Variants in FRAS1 observed in about 807,000 individuals in gnomAD.
FRAS1 encodes the protein Fraser extracellular matrix complex subunit 1.
In FRAS1, 290 loss-of-function variants were observed where a neutral mutation model predicts 435.2. The ratio of observed to expected loss-of-function variants is 0.67; its 90% confidence interval spans 0.61 to 0.73. FRAS1 has a LOEUF of 0.73. Among genes scored for constraint, FRAS1 ranks in the 30% least tolerant of loss-of-function variants. The pLI is 0.00. For synonymous variants in FRAS1, 1,800 were observed against 1,851.0 expected (o/e 0.97, Z 0.71); for missense variants, 4,860 against 5,001.5 (o/e 0.97, Z 0.85).
intron 9 of FRAS1, among the ~76,000 whole-genome samples, chr4:78,275,664 T>C (rs970365603): frequency 6.6e-6 from 1 of 152,210 alleles, no homozygotes; most frequent in Non-Finnish European, 1.5e-5. Context: ...CTGGCTTGTA[T>C]AGTTTCTGCC....
intron 61 of FRAS1, among the ~76,000 whole-genome samples, chr4:78,501,905 G>A (rs1229494499): frequency 2.0e-5 from 3 of 152,204 alleles, no homozygotes; most frequent in Non-Finnish European, 2.9e-5. Flanking sequence ...TGTAAAAAGT[G>A]TAAGGAAGGG....
At chr4:78,159,172 A>G (rs1487841202) in intron 2 of FRAS1, among the ~76,000 whole-genome samples, 10 of 152,342 alleles carry the variant, frequency 6.6e-5, no homozygotes, top group African/African-American at 1.7e-4. Flanking sequence ...ACAGCACTCA[A>G]TGGATGAATT....
intron 12 of FRAS1, among the ~76,000 whole-genome samples, chr4:78,283,907 C>T (rs1727448204): frequency 6.6e-6 from 1 of 151,948 alleles, no homozygotes. Context: ...AGTGATAACC[C>T]CAATTACTGA....
At chr4:78,460,342 T>G (rs1719331696) in intron 47 of FRAS1, among the ~76,000 whole-genome samples, 1 of 152,228 alleles carries the variant, frequency 6.6e-6, no homozygotes, top group African/African-American at 2.4e-5. Context: ...ATACATAGTT[T>G]AGCCAGCAGG....
chr4:78,140,656 CGTATATACATATGTGTATATGTATAT>C (rs1425729276), intron 2 of FRAS1, among the ~76,000 whole-genome samples: 5,279 of 149,344 alleles, frequency 0.035, 331 homozygotes, highest in African/African-American at 0.12. Flanking sequence ...TATGTATATA[CGTATATACATATGTGTATATGTATAT>C]GCATATACAT....
rs1158724892 is a variant in FRAS1, at chr4:78,288,306, C to G, written c.1534+1767C>G. Among the ~76,000 whole-genome samples, 3 of 152,168 alleles carry G rather than the reference C, an allele frequency of 2.0e-5. 1 individual carries two copies. Among genetic ancestry groups the G allele is most frequent in the African/African-American group, 7.2e-5 (3 of 41,436 alleles). On this transcript the variant is annotated intron_variant, in intron 14 of 73. Transcript: ENST00000512123. Reference sequence around the variant, plus strand: ...TTTATCCCATCAAAGAGATCTCCTGCTAGTGCTCGTGACAGATTTGCCTTT... The same window carrying G: ...TTTATCCCATCAAAGAGATCTCCTGGTAGTGCTCGTGACAGATTTGCCTTT...
At chr4:78,139,033 A>T (rs1720046634) in intron 2 of FRAS1, among the ~76,000 whole-genome samples, 1 of 152,226 alleles carries the variant, frequency 6.6e-6, no homozygotes, top group Non-Finnish European at 1.5e-5. Flanking sequence ...AGAATGATCC[A>T]GCTTACTGAG....
chr4:78,115,833 G>T (rs1319047496), intron 2 of FRAS1, among the ~76,000 whole-genome samples: 1 of 151,528 alleles, frequency 6.6e-6, no homozygotes, highest in African/African-American at 2.4e-5. Context: ...ATTTCCTTCA[G>T]TTCTTCTCTG....
chr4:78,282,025 A>G (rs1389242808), intron 11 of FRAS1, among the ~76,000 whole-genome samples: 1 of 152,214 alleles, frequency 6.6e-6, no homozygotes, highest in Non-Finnish European at 1.5e-5. Flanking sequence ...TCATTCTGCT[A>G]AATACCGTCA....
intron 71 of FRAS1, among the ~76,000 whole-genome samples, chr4:78,534,868 G>A (rs747271450): frequency 2.0e-5 from 3 of 152,202 alleles, no homozygotes; most frequent in African/African-American, 4.8e-5. Flanking sequence ...GGTCTGAGTA[G>A]TAAGAATACT....
intron 20 of FRAS1, among the ~76,000 whole-genome samples, chr4:78,358,188 T>C (rs550978834): frequency 6.6e-6 from 1 of 150,712 alleles, no homozygotes; most frequent in East Asian, 2.1e-4. Context: ...TTGAATGTTT[T>C]TGTTGTTTCA....
intron 2 of FRAS1, among the ~76,000 whole-genome samples, chr4:78,176,495 A>G (rs1301577959): frequency 6.6e-6 from 1 of 152,180 alleles, no homozygotes; most frequent in Non-Finnish European, 1.5e-5. Context: ...GAAGAGCTAC[A>G]TTGCTTAAAT....
At chr4:78,374,000 C>A in intron 24 of FRAS1, 111 bp from the exon 25 acceptor site, 1 of 999,504 alleles carries the variant, frequency 1.0e-6, no homozygotes, top group Non-Finnish European at 1.4e-6. Context: ...GGTCCTTTGC[C>A]CAGTACACTA....
intron 37 of FRAS1, 88 bp from the exon 38 acceptor site, chr4:78,432,269 C>A (rs1356149745): frequency 2.2e-6 from 3 of 1,349,216 alleles, no homozygotes; most frequent in Non-Finnish European, 3.0e-6. Context: ...CCTATATGAA[C>A]CTTAAAGTCC....
chr4:78,378,395 C>G (rs751603204), intron 26 of FRAS1, among the ~76,000 whole-genome samples: 7 of 152,122 alleles, frequency 4.6e-5, no homozygotes, highest in Non-Finnish European at 7.3e-5. Flanking sequence ...CATTTGTGTA[C>G]AAGTTTTGTG....
rs1214749358 is a variant in FRAS1, at chr4:78,364,586, ATG to A, written c.2722+534_2722+535del. Among the ~76,000 whole-genome samples the A allele has an allele frequency of 4.6e-5, 7 of 152,300 alleles. No homozygotes were observed. The East Asian group carries it at 1.3e-3, about 29-fold the overall frequency. ...ACTTGTATGGGAGTTACTTATATAG[ATG>A]TCTTATTTCTCAAGTAAGTCAGAAT... On this transcript the variant is annotated intron_variant, in intron 22 of 73. Coordinates refer to ENST00000512123, the MANE Select transcript of FRAS1 (RefSeq NM_025074.7).
rs1206798222 is a variant in FRAS1, at chr4:78,500,021, CAG to C, written c.9316+101_9316+102del. 6 of 949,054 alleles carry C rather than the reference CAG, an allele frequency of 6.3e-6. No homozygotes were observed. The African/African-American group carries it at 9.9e-5, about 16-fold the overall frequency. The allele number at this position is 949,054 out of a possible 1,614,324, so 58.8% of individuals were successfully genotyped here. On this transcript the variant is annotated intron_variant, in intron 61 of 73. Coordinates refer to ENST00000512123, the MANE Select transcript of FRAS1 (RefSeq NM_025074.7). ...TAAACAGATAAATGAAAAAGGAAAACAGTAGTTCCAATAGCTAAAGCATTTTT... is the reference window on the plus strand; with the variant it reads ...TAAACAGATAAATGAAAAAGGAAAACTAGTTCCAATAGCTAAAGCATTTTT...
At chr4:78,443,218 C>T (rs138525238) in intron 41 of FRAS1, among the ~76,000 whole-genome samples, 4 of 152,074 alleles carry the variant, frequency 2.6e-5, no homozygotes, top group African/African-American at 9.7e-5. Flanking sequence ...ATTAGCTAGA[C>T]GTGGTGGCAC....
intron 9 of FRAS1, among the ~76,000 whole-genome samples, chr4:78,272,139 T>G (rs1419374086): frequency 3.3e-5 from 5 of 152,100 alleles, no homozygotes; most frequent in Non-Finnish European, 7.3e-5. Flanking sequence ...GTTCATATCC[T>G]TCACCCACTT....
Sources: allele counts gnomAD v4.1 joint callset (sites outside exome capture counted in the v4.1 genomes callset), GRCh38; gene constraint gnomAD v4.1.1; transcripts MANE v1.5; gene names NCBI Gene and HGNC (gene_info 2026-07-23, HGNC 2026-07-21).